CIITA: variants seen among roughly 807,000 people sequenced by gnomAD.
CIITA encodes class II major histocompatibility complex transactivator, also known as MHC class II transactivator.
A neutral mutation model predicts 115.1 loss-of-function variants in CIITA; 72 were observed. The ratio of observed to expected loss-of-function variants is 0.63; its 90% CI spans 0.52 to 0.76. CIITA has a LOEUF of 0.76. CIITA is among the 30% of genes least tolerant of loss of function. The pLI is 0.00. For missense variants in CIITA, 1,617 were observed against 1,463.8 expected, an observed-to-expected ratio of 1.10 and a Z score of -1.71; for synonymous variants, 763 against 635.6, an observed-to-expected ratio of 1.20 and a Z score of -3.02.
intron 1 of CIITA, 100 bp downstream of exon 1, chr16:10,877,482 G>T (rs778867830): frequency 4.0e-6 from 5 of 1,235,430 alleles, no homozygotes; most frequent in Non-Finnish European, 5.8e-6. Context: ...GGATGGGGGT[G>T]AGGATGGGAA....
chr16:10,873,619 T>C (rs2035630291), upstream of CIITA, among the ~76,000 whole-genome samples: 1 of 152,144 alleles, frequency 6.6e-6, no homozygotes, highest in African/African-American at 2.4e-5. Flanking sequence ...AAGGTAGGAC[T>C]GAGCAGAATC....
chr16:10,938,434 C>G (rs2041059244), downstream of CIITA: 1 of 151,988 alleles, frequency 6.6e-6, no homozygotes, highest in African/African-American at 2.4e-5. The surrounding 1 kb of genome is among the most constrained non-coding windows in gnomAD (Gnocchi z 4.9). Flanking sequence ...ATCCTGGGCC[C>G]CACTGTGTGA....
chr16:10,941,554 A>G lies in CIITA; in HGVS notation n.680A>G. ...GCCCCAACCCGCCCTCATCCTGTTCAGAGAGGGCACTTACAGGCCTCGGAG... is the reference window on the plus strand; with the variant it reads ...GCCCCAACCCGCCCTCATCCTGTTCGGAGAGGGCACTTACAGGCCTCGGAG... On this transcript the variant is annotated non_coding_transcript_exon_variant, in exon 2 of 2. Coordinates refer to the CIITA transcript ENST00000573379. This position sits in a 1 kb window ranked among gnomAD's most constrained non-coding sequence, Gnocchi z 6.4. 6.9e-7 allele frequency: 1 copy of G among 1,443,436 alleles called. No individual in the cohort carries two copies. The highest frequency in any genetic ancestry group is 9.1e-7 in the Non-Finnish European group (1 of 1,096,332). The allele number at this position is 1,443,436 out of a possible 1,614,324, so 89.4% of individuals were successfully genotyped here.
Position 10,922,149 on chromosome 16 carries a change from G to T in CIITA, c.3150-18G>T. 1 of 1,612,496 alleles carries T rather than the reference G, an allele frequency of 6.2e-7. No homozygotes were observed. On this transcript the variant is annotated intron_variant, in intron 16 of 19. Transcript: ENST00000324288. ...GCACAGGCCTCCAATCCCTCCCCCT[G>T]GCCTCTGTTTCCGACAGCTTGTACA... is the stretch of plus-strand genomic sequence containing the variant.
chr16:10,908,518 T>TGCCTCCATTCTCTCC lies in CIITA; in HGVS notation c.2657+370_2657+384dup, dbSNP rs1181917134. Reference sequence around the variant, plus strand: ...AGCCATGGCCTCCCCTTGGACTCTCTGCCTCCATTCTCTCCTCTTCCACTC... The same window carrying TGCCTCCATTCTCTCC: ...AGCCATGGCCTCCCCTTGGACTCTCTGCCTCCATTCTCTCCGCCTCCATTCTCTCCTCTTCCACTC... On this transcript the variant is annotated intron_variant, in intron 11 of 19. Coordinates refer to ENST00000324288, the MANE Select transcript of CIITA (RefSeq NM_000246.4). 2.6e-5 allele frequency: 11 copies of TGCCTCCATTCTCTCC among 426,392 alleles called. No individual in the cohort carries two copies. In the Admixed American group the frequency reaches 3.5e-4, roughly 14 times the overall value. 26.4% of individuals were successfully genotyped at this position (426,392 alleles called of 1,614,324 possible).
chr16:10,877,437 C>T, intron 1 of CIITA, 55 bp downstream of exon 1: 1 of 1,547,410 alleles, frequency 6.5e-7, no homozygotes, highest in Non-Finnish European at 8.8e-7. Context: ...CTGGTCCTGC[C>T]ATTCCAGATA....
In CIITA at chr16:10,907,775, G is replaced by T. The variant is rs1192393696; in HGVS notation, c.2283G>T (p.Leu761=). The part of the protein sequence containing the change: ...LEGVPRFLAG[L]IFQPPARCLG... ...GCGTGCCACGCTTTCTGGCTGGGCTGATCTTCCAGCCTCCCGCCCGCTGCC... is the reference window on the plus strand; with the variant it reads ...GCGTGCCACGCTTTCTGGCTGGGCTTATCTTCCAGCCTCCCGCCCGCTGCC... The change falls in exon 11 of 20, where the codon CTG becomes CTT. Residue 761 remains leucine (L), a synonymous_variant. Coordinates refer to ENST00000324288, the MANE Select transcript of CIITA (RefSeq NM_000246.4). This position sits in a 1 kb window ranked among gnomAD's most constrained non-coding sequence, Gnocchi z 5.0. 4 of 1,614,230 alleles carry T rather than the reference G, an allele frequency of 2.5e-6. No individual in the cohort carries two copies. The highest frequency in any genetic ancestry group is 3.4e-6 in the Non-Finnish European group (4 of 1,180,034).
intron 13 of CIITA, 67 bp from the exon 14 acceptor site, chr16:10,915,503 C>T: frequency 1.5e-6 from 2 of 1,291,842 alleles, no homozygotes; most frequent in Admixed American, 1.7e-5. Context: ...GTCTCTGCCC[C>T]ACCCTGGGGC....
At chr16:10,884,017 C>G (rs1233234721) in intron 1 of CIITA, among the ~76,000 whole-genome samples, 1 of 150,684 alleles carries the variant, frequency 6.6e-6, no homozygotes. Flanking sequence ...TACCCAAGGT[C>G]CATGGTTTGT....
Position 10,877,212 on chromosome 16 carries a change from C to T in CIITA, c.-119C>T. The T allele has an allele frequency of 1.2e-6, 1 of 826,502 alleles. No homozygotes were observed. The highest frequency in any genetic ancestry group is 2.1e-6 in the Non-Finnish European group (1 of 487,034). 51.2% of individuals were successfully genotyped at this position (826,502 alleles called of 1,614,324 possible). A position where few individuals can be genotyped will look rare whatever the true frequency, so the allele number is the denominator to read the frequency against. On this transcript the variant is annotated 5_prime_UTR_variant, in exon 1 of 20. Coordinates refer to ENST00000324288, the MANE Select transcript of CIITA (RefSeq NM_000246.4). Reference sequence around the variant, plus strand: ...AACTGGTGACTGGTTAGTGATGAGGCTAGTGATGAGGCTGTGTGCTTCTGA... The same window carrying T: ...AACTGGTGACTGGTTAGTGATGAGGTTAGTGATGAGGCTGTGTGCTTCTGA...
intron 11 of CIITA, chr16:10,908,626 C>T (rs2039342653): frequency 2.3e-6 from 1 of 436,020 alleles, no homozygotes; most frequent in Admixed American, 3.5e-5. Flanking sequence ...CCTTCAGGGA[C>T]ACTCCACCAC....
downstream of CIITA, chr16:10,939,375 C>T (rs930576885): frequency 6.6e-6 from 1 of 152,292 alleles, no homozygotes; most frequent in Admixed American, 6.5e-5. The surrounding 1 kb of genome is among the most constrained non-coding windows in gnomAD (Gnocchi z 4.9). Flanking sequence ...CATCTCCTGC[C>T]TAGAACCTTC....
At chr16:10,867,582 C>T (rs1014231031) in intron 1 of CIITA, among the ~76,000 whole-genome samples, 2 of 151,954 alleles carry the variant, frequency 1.3e-5, no homozygotes, top group Admixed American at 6.6e-5. Flanking sequence ...AATAAGAACT[C>T]GCTTACGGGA....
chr16:10,899,759 G>A (rs570865443), intron 5 of CIITA, among the ~76,000 whole-genome samples: 2 of 152,304 alleles, frequency 1.3e-5, no homozygotes, highest in East Asian at 1.9e-4. Flanking sequence ...ATCGCACACA[G>A]GGTATGAGAT....
upstream of CIITA, among the ~76,000 whole-genome samples, chr16:10,872,838 A>C (rs1177000505): frequency 6.6e-6 from 1 of 152,272 alleles, no homozygotes; most frequent in Non-Finnish European, 1.5e-5. Flanking sequence ...AAAAAGCATG[A>C]GATGAAGAAG....
Position 10,895,358 on chromosome 16 carries a change from C to G in CIITA, c.129C>G (p.Asp43Glu). Residue 43 changes from aspartate to glutamate, a missense_variant, in exon 2 of 20, where the codon GAC (aspartate) becomes GAG (glutamate). Coordinates refer to ENST00000324288, the MANE Select transcript of CIITA (RefSeq NM_000246.4). The stretch of plus-strand genomic sequence containing the variant: ...TGGAGCTTCTTAACAGCGATGCTGA[C>G]CCCCTGTGCCTCTACCACTTCTATG... Reference protein sequence around the residue: ...GYLELLNSDADPLCLYHFYDQ... With the variant: ...GYLELLNSDAEPLCLYHFYDQ... The G allele has an allele frequency of 6.2e-7, 1 of 1,614,094 alleles. No individual in the cohort carries two copies. The highest frequency in any genetic ancestry group is 8.5e-7 in the Non-Finnish European group (1 of 1,180,010).
rs775954295 is a variant in CIITA at position 10,901,870 on chromosome 16, G to T, written c.482-168G>T. 4 of 967,236 alleles carry T rather than the reference G, an allele frequency of 4.1e-6. No individual in the cohort carries two copies. In the African/African-American group the frequency reaches 6.4e-5, roughly 15 times the overall value. 59.9% of individuals were successfully genotyped at this position (967,236 alleles called of 1,614,324 possible). A position where few individuals can be genotyped will look rare whatever the true frequency, so the allele number is the denominator to read the frequency against. ...CCAAGTCACAAGGAGAGGACTGGGG[G>T]ACTGCCTGGCACAGAGCAGTTGCTG... is the stretch of plus-strand genomic sequence containing the variant. On this transcript the variant is annotated intron_variant, in intron 6 of 19. Transcript: ENST00000324288. This position sits in a 1 kb window ranked among gnomAD's most constrained non-coding sequence, Gnocchi z 6.8.
At chr16:10,887,959 C>T (rs978101187) in intron 1 of CIITA, among the ~76,000 whole-genome samples, 3 of 152,176 alleles carry the variant, frequency 2.0e-5, no homozygotes, top group African/African-American at 4.8e-5. Flanking sequence ...TCAGCGCCTG[C>T]GTCTGTAAAA....
At chr16:10,902,580 T>C in intron 7 of CIITA, 78 bp from the exon 8 acceptor site, 1 of 1,582,684 alleles carries the variant, frequency 6.3e-7, no homozygotes, top group Non-Finnish European at 8.7e-7. Context: ...GGGTCAGACA[T>C]TAATCAAATA....
Sources: allele counts gnomAD v4.1 joint callset (sites outside exome capture counted in the v4.1 genomes callset), GRCh38; gene constraint gnomAD v4.1.1; non-coding constraint Gnocchi (gnomAD v3.1); transcripts MANE v1.5; gene names NCBI Gene and HGNC (gene_info 2026-07-23, HGNC 2026-07-21).